Variants in OTOGL observed in about 807,000 individuals in gnomAD.
OTOGL encodes the protein otogelin-like protein.
A neutral mutation model predicts 318.5 loss-of-function variants in OTOGL; 285 were observed. That is an observed-to-expected ratio of 0.89 (90% CI 0.81 to 0.99). The LOEUF (loss-of-function observed/expected upper bound fraction) is 0.99, where lower values mean the gene tolerates loss of function less well. Ranked by LOEUF, OTOGL falls within the 50% of genes least tolerant of loss-of-function variation. The pLI is 0.00. For synonymous variants in OTOGL, 987 were observed against 936.5 expected (o/e 1.05, Z -0.99); for missense variants, 2,899 against 2,845.6 (o/e 1.02, Z -0.43).
chr12:80,122,235 A>G lies in OTOGL; in HGVS notation c.-20+22630A>G, dbSNP rs575546060. Among the ~76,000 whole-genome samples, 12 of 152,208 alleles carry G rather than the reference A, an allele frequency of 7.9e-5. No homozygotes were observed. In the South Asian group the frequency reaches 2.5e-3, roughly 31 times the overall value. ...TACCTTCTGAACTTAGTTCTAGGAT[A>G]AAATTCCAATGTATAAGCAAAAAAA... On this transcript the variant is annotated intron_variant, in intron 1 of 58. Coordinates refer to ENST00000547103, the MANE Select transcript of OTOGL (RefSeq NM_001378609.3).
At chr12:80,226,538 C>T (rs1878874409) in intron 7 of OTOGL, among the ~76,000 whole-genome samples, 1 of 152,072 alleles carries the variant, frequency 6.6e-6, no homozygotes, top group East Asian at 1.9e-4. Context: ...AGTTTTCCTT[C>T]CCATCTTTCA....
chr12:80,216,913 G>A (rs186632726), intron 4 of OTOGL, among the ~76,000 whole-genome samples: 13 of 152,018 alleles, frequency 8.6e-5, no homozygotes, highest in Admixed American at 7.9e-4. Context: ...AAACCTGCAC[G>A]TTGTGCACAT....
chr12:80,368,449 T>TA, intron 55 of OTOGL, 140 bp downstream of exon 55: 1 of 463,980 alleles, frequency 2.2e-6, no homozygotes, highest in Non-Finnish European at 3.8e-6. Context: ...AAGACACAGT[T>TA]ACATTTGTTA....
At chr12:80,160,390 G>T (rs1237229232) in intron 1 of OTOGL, among the ~76,000 whole-genome samples, 2 of 151,666 alleles carry the variant, frequency 1.3e-5, no homozygotes, top group Non-Finnish European at 2.9e-5. Context: ...AAACAAATTA[G>T]CAAGAAAAAA....
At chr12:80,324,759 G>T (rs1887570425) in intron 35 of OTOGL, among the ~76,000 whole-genome samples, 1 of 152,138 alleles carries the variant, frequency 6.6e-6, no homozygotes, top group Admixed American at 6.6e-5. Flanking sequence ...AAGAGTTAAA[G>T]AATCAAGTTT....
chr12:80,277,176 A>G (rs968319784), intron 24 of OTOGL, among the ~76,000 whole-genome samples: 1 of 147,404 alleles, frequency 6.8e-6, no homozygotes, highest in African/African-American at 2.4e-5. Flanking sequence ...AATTATTTAA[A>G]TAATGACAAC....
intron 1 of OTOGL, chr12:80,130,867 A>T (rs1871196129): frequency 6.6e-6 from 1 of 152,166 alleles, no homozygotes; most frequent in Admixed American, 6.5e-5. Context: ...CTCTGCTTTC[A>T]TGAGTTCAAC....
In OTOGL at chr12:80,377,094, A is replaced by G. The variant is rs376593365; in HGVS notation, c.6782-29A>G. ...AGAAACAATTTAACGTAGGCCTTTG[A>G]TGAATAAATACATTTTATATTTTAT... is the stretch of plus-strand genomic sequence containing the variant. On this transcript the variant is annotated intron_variant, in intron 57 of 58. Transcript: ENST00000547103. 190 of 1,519,194 alleles carry G rather than the reference A, an allele frequency of 1.3e-4. 1 individual carries two copies. Among genetic ancestry groups the G allele is most frequent in the Admixed American group, 2.3e-4 (13 of 55,888 alleles). The allele number at this position is 1,519,194 out of a possible 1,614,324, so 94.1% of individuals were successfully genotyped here. A position where few individuals can be genotyped will look rare whatever the true frequency, so the allele number is the denominator to read the frequency against.
Position 80,334,439 on chromosome 12 carries a change from A to G in OTOGL, c.4422+1361A>G, listed in dbSNP as rs1427390541. Among the ~76,000 whole-genome samples the G allele has an allele frequency of 4.6e-5, 7 of 152,248 alleles. 1 individual carries two copies. The highest frequency in any genetic ancestry group is 4.6e-4 in the Admixed American group (7 of 15,268). ...AGCTGTGGACATATAGATTTGGCAG[A>G]CATACATGGAGTATATATAGGTCAT... is the stretch of plus-strand genomic sequence containing the variant. On this transcript the variant is annotated intron_variant, in intron 38 of 58. Transcript: ENST00000547103.
Position 80,197,577 on chromosome 12 carries a change from G to A in OTOGL, c.-19-11836G>A, listed in dbSNP as rs114819860. Among the ~76,000 whole-genome samples, 837 of 152,302 alleles carry A rather than the reference G, an allele frequency of 5.5e-3. 10 individuals carry two copies. The highest frequency in any genetic ancestry group is 0.019 in the African/African-American group (795 of 41,546). On this transcript the variant is annotated intron_variant, in intron 1 of 58. Coordinates refer to ENST00000547103, the MANE Select transcript of OTOGL (RefSeq NM_001378609.3). Reference sequence around the variant, plus strand: ...GTCAACACCACTGAAATCTGTCTATGAATCCCTGACCATGCTATTCAGCCT... The same window carrying A: ...GTCAACACCACTGAAATCTGTCTATAAATCCCTGACCATGCTATTCAGCCT...
At chr12:80,368,371 G>A (rs1890681920) in intron 55 of OTOGL, 62 bp downstream of exon 55, 10 of 1,263,920 alleles carry the variant, frequency 7.9e-6, no homozygotes, top group East Asian at 2.7e-5. Flanking sequence ...TTGAGTCAAA[G>A]TTTGGAAAAT....
chr12:80,251,084 G>A (rs1182950554), intron 11 of OTOGL, among the ~76,000 whole-genome samples: 1 of 152,124 alleles, frequency 6.6e-6, no homozygotes, highest in Non-Finnish European at 1.5e-5. Context: ...CAACCCAATT[G>A]CCCATCAGTG....
intron 26 of OTOGL, among the ~76,000 whole-genome samples, chr12:80,280,033 G>A (rs188925901): frequency 6.6e-6 from 1 of 151,476 alleles, no homozygotes; most frequent in African/African-American, 2.4e-5. Context: ...GTTTTGATTT[G>A]CATTTCTCTA....
chr12:80,220,008 A>G (rs1336501093), intron 6 of OTOGL, 96 bp downstream of exon 6: 5 of 888,068 alleles, frequency 5.6e-6, no homozygotes, highest in East Asian at 2.6e-5. Context: ...TGGGAGTTGT[A>G]TATTAACTAG....
intron 1 of OTOGL, chr12:80,103,191 G>A: frequency 2.2e-6 from 3 of 1,384,010 alleles, no homozygotes; most frequent in Non-Finnish European, 3.1e-6. Flanking sequence ...CTTTCGGATG[G>A]GCATGGATCG....
chr12:80,134,369 CT>C (rs1871418771), intron 1 of OTOGL, among the ~76,000 whole-genome samples: 2 of 152,162 alleles, frequency 1.3e-5, no homozygotes, highest in Admixed American at 1.3e-4. Flanking sequence ...TGAGGCTTTC[CT>C]TTTCTTATGG....
intron 42 of OTOGL, among the ~76,000 whole-genome samples, chr12:80,337,944 A>C (rs1044789951): frequency 2.0e-5 from 3 of 152,070 alleles, no homozygotes; most frequent in African/African-American, 7.2e-5. Context: ...TGAGAAGTAA[A>C]CACAAAGCTG....
rs201539149 is a variant in OTOGL, at chr12:80,108,770, C to T, written c.-20+9165C>T. ...ATTTAAAAAAATATATATATATACA[C>T]GTATATATATATATATGTATATATA... On this transcript the variant is annotated intron_variant, in intron 1 of 58. Coordinates refer to ENST00000547103, the MANE Select transcript of OTOGL (RefSeq NM_001378609.3). 1.5e-4 allele frequency among the ~76,000 whole-genome samples: 13 copies of T among 83,968 alleles called. 1 individual carries two copies. The highest frequency in any genetic ancestry group is 5.9e-4 in the East Asian group (2 of 3,366). 55.1% of individuals were successfully genotyped at this position (83,968 alleles called of 152,430 possible).
intron 39 of OTOGL, 56 bp from the exon 40 acceptor site, chr12:80,336,357 A>G: frequency 2.0e-6 from 3 of 1,479,788 alleles, no homozygotes; most frequent in Non-Finnish European, 2.7e-6. Context: ...AAGAGCAATT[A>G]TTACTGAAAA....
Sources: allele counts gnomAD v4.1 joint callset (sites outside exome capture counted in the v4.1 genomes callset), GRCh38; gene constraint gnomAD v4.1.1; transcripts MANE v1.5; gene names NCBI Gene and HGNC (gene_info 2026-07-23, HGNC 2026-07-21).